LSM1: variants seen among roughly 807,000 people sequenced by gnomAD.
LSM1 encodes the protein U6 snRNA-associated Sm-like protein LSm1.
Under a neutral mutation model 18.0 loss-of-function variants are expected in LSM1, and 13 were observed. That is an observed-to-expected ratio of 0.72 (90% CI 0.47 to 1.15). The LOEUF (loss-of-function observed/expected upper bound fraction) is 1.15, where lower values mean the gene tolerates loss of function less well. Among genes scored for constraint, LSM1 ranks in the 50% most tolerant of loss-of-function variants. The pLI is 0.00. For missense variants in LSM1, 152 were observed against 157.7 expected (o/e 0.96, Z 0.19); for synonymous variants, 46 against 56.0 (o/e 0.82, Z 0.80).
chr8:38,164,530 A>G (rs889284377), intron 3 of LSM1, among the ~76,000 whole-genome samples: 5 of 148,616 alleles, frequency 3.4e-5, no homozygotes, highest in Non-Finnish European at 7.4e-5. Context: ...TTTTTTTTTA[A>G]TTATTTTAAG....
chr8:38,175,020 T>C (rs1399580762), intron 1 of LSM1, among the ~76,000 whole-genome samples: 10 of 118,840 alleles, frequency 8.4e-5, no homozygotes, highest in Non-Finnish European at 1.4e-4. Flanking sequence ...AGCAAGACTC[T>C]GTCTCAAAAA....
At chr8:38,172,127 C>A in intron 1 of LSM1, 94 bp from the exon 2 acceptor site, 1 of 841,780 alleles carries the variant, frequency 1.2e-6, no homozygotes. Context: ...ACCACTTCCT[C>A]GGCCAATGCA....
At chr8:38,172,283 G>A (rs1045799093) in intron 1 of LSM1, among the ~76,000 whole-genome samples, 1 of 151,518 alleles carries the variant, frequency 6.6e-6, no homozygotes, top group African/African-American at 2.4e-5. Flanking sequence ...CTGACTAGCT[G>A]GCTCTAGACC....
intron 1 of LSM1, among the ~76,000 whole-genome samples, chr8:38,175,137 A>G (rs1803105890): frequency 6.7e-6 from 1 of 148,202 alleles, no homozygotes; most frequent in Admixed American, 6.7e-5. Context: ...CTGGAGTGCA[A>G]TGGTGCGATC....
intron 3 of LSM1, 55 bp from the exon 4 acceptor site, chr8:38,163,895 A>G: frequency 6.6e-7 from 1 of 1,504,480 alleles, no homozygotes; most frequent in East Asian, 2.3e-5. Context: ...TAGAAAGCAC[A>G]GATCTCAAGG....
At chr8:38,169,516 T>C (rs1181995992) in intron 3 of LSM1, among the ~76,000 whole-genome samples, 1 of 152,234 alleles carries the variant, frequency 6.6e-6, no homozygotes, top group Non-Finnish European at 1.5e-5. Flanking sequence ...TAACCAATTG[T>C]TTAAATGACT....
At position 38,163,536 on chromosome 8, in the gene LSM1, G is replaced by A; in HGVS notation, c.*134C>T. ...TACACGATTTCTTCATGTTGCATAT[G>A]TAAAATAATTAAAAATAAAAGTGAC... On this transcript the variant is annotated 3_prime_UTR_variant, in exon 4 of 4. Coordinates refer to ENST00000311351, the MANE Select transcript of LSM1 (RefSeq NM_014462.3). 1 of 730,056 alleles carries A rather than the reference G, an allele frequency of 1.4e-6. No homozygotes were observed. The highest frequency in any genetic ancestry group is 4.0e-4 in the Middle Eastern group (1 of 2,484). 45.2% of individuals were successfully genotyped at this position (730,056 alleles called of 1,614,324 possible). A position where few individuals can be genotyped will look rare whatever the true frequency, so the allele number is the denominator to read the frequency against.
rs1169403147 is a variant in LSM1, at chr8:38,170,013, A to G, written c.116-96T>C. Reference sequence around the variant, plus strand: ...TCAGTTATTTTGAAAAGATTTAGGTAAACATGATTTCCAAGCTTTCTAATT... The same window carrying G: ...TCAGTTATTTTGAAAAGATTTAGGTGAACATGATTTCCAAGCTTTCTAATT... On this transcript the variant is annotated intron_variant, in intron 2 of 3. Transcript: ENST00000311351. 1.8e-5 allele frequency: 11 copies of G among 616,260 alleles called. No homozygotes were observed. The African/African-American group carries it at 2.1e-4, about 12-fold the overall frequency. 38.2% of individuals were successfully genotyped at this position (616,260 alleles called of 1,614,324 possible). A position where few individuals can be genotyped will look rare whatever the true frequency, so the allele number is the denominator to read the frequency against.
intron 1 of LSM1, among the ~76,000 whole-genome samples, chr8:38,175,304 G>A (rs1367424232): frequency 6.6e-6 from 1 of 151,984 alleles, no homozygotes; most frequent in Non-Finnish European, 1.5e-5. Flanking sequence ...CCGACCTCAG[G>A]CGATCTGCCC....
chr8:38,167,867 A>T (rs764028516), intron 3 of LSM1, among the ~76,000 whole-genome samples: 3 of 151,998 alleles, frequency 2.0e-5, no homozygotes, highest in Admixed American at 6.6e-5. Context: ...TGGGCAACAT[A>T]GTGAGACCCC....
At chr8:38,167,736 G>A (rs1802959271) in intron 3 of LSM1, among the ~76,000 whole-genome samples, 2 of 152,096 alleles carry the variant, frequency 1.3e-5, no homozygotes, top group Non-Finnish European at 2.9e-5. Flanking sequence ...CCACCATGCA[G>A]AGATGGGTCA....
In LSM1 at chr8:38,169,851, C is replaced by T. The variant is rs1287741458; in HGVS notation, c.182G>A (p.Arg61Gln). 16 of 1,613,810 alleles carry T rather than the reference C, an allele frequency of 9.9e-6. No individual in the cohort carries two copies. Among genetic ancestry groups the T allele is most frequent in the Non-Finnish European group, 1.2e-5 (14 of 1,179,898 alleles). ...HVGKKYGDIP[R>Q]GIFVVRGENV... ...TTCTCCTCTGACCACAAAAATCCCTCGAGGAATATCACCGTATTTTTTGCC... is the reference window on the plus strand; with the variant it reads ...TTCTCCTCTGACCACAAAAATCCCTTGAGGAATATCACCGTATTTTTTGCC... The change falls in exon 3 of 4, where the codon CGA becomes CAA. Residue 61 changes from arginine to glutamine, a missense_variant. Transcript: ENST00000311351.
At chr8:38,165,856 G>C (rs971565012) in intron 3 of LSM1, among the ~76,000 whole-genome samples, 5 of 152,204 alleles carry the variant, frequency 3.3e-5, no homozygotes, top group African/African-American at 9.6e-5. Context: ...AGTCAGCCTA[G>C]ATAACAAAGT....
chr8:38,169,768 G>T, intron 3 of LSM1, 34 bp downstream of exon 3: 1 of 1,211,782 alleles, frequency 8.3e-7, no homozygotes, highest in Non-Finnish European at 1.2e-6. Context: ...GCATGAATAT[G>T]AAGATCTACA....
chr8:38,173,385 A>G (rs1287274417), intron 1 of LSM1, among the ~76,000 whole-genome samples: 1 of 150,514 alleles, frequency 6.6e-6, no homozygotes, highest in African/African-American at 2.5e-5. Flanking sequence ...GCGGGGGGGG[A>G]GAAGGAAATC....
chr8:38,172,167 ACTG>A, intron 1 of LSM1, 134 bp from the exon 2 acceptor site: 3 of 658,224 alleles, frequency 4.6e-6, no homozygotes, highest in African/African-American at 3.8e-5. Flanking sequence ...TCATTGGAAA[ACTG>A]AAAAAAGCAG....
chr8:38,167,156 A>C (rs1008432507), intron 3 of LSM1, among the ~76,000 whole-genome samples: 1 of 152,170 alleles, frequency 6.6e-6, no homozygotes, highest in Non-Finnish European at 1.5e-5. Context: ...AAACCATAAC[A>C]TATTTTTTTA....
In LSM1 at chr8:38,172,029, C is replaced by T. The variant is rs748749451; in HGVS notation, c.51G>A (p.Lys17=). The change falls in exon 2 of 4, where the codon AAG becomes AAA. Residue 17 remains lysine, a synonymous_variant. Coordinates refer to ENST00000311351, the MANE Select transcript of LSM1 (RefSeq NM_014462.3). ...TTCCATCTCGAAGCAGAACCAAGTG[C>T]TTTTCTGGGGAGAGAGGAAAAAATC... ...TASLIEDIDK[K]HLVLLRDGRT... is the part of the protein sequence containing the mutation. 1 of 1,609,448 alleles carries T rather than the reference C, an allele frequency of 6.2e-7. No homozygotes were observed. The highest frequency in any genetic ancestry group is 1.7e-5 in the Admixed American group (1 of 58,584).
chr8:38,164,157 C>T (rs185090685), intron 3 of LSM1, among the ~76,000 whole-genome samples: 126 of 152,206 alleles, frequency 8.3e-4, no homozygotes, highest in African/African-American at 2.9e-3. Context: ...TGGGTTCAAG[C>T]GATTATCCTG....
Sources: gnomAD v4.1 joint callset for allele counts (sites outside exome capture counted in the v4.1 genomes callset) on GRCh38, gnomAD v4.1.1 for gene constraint, MANE v1.5 for transcripts, NCBI Gene and HGNC (gene_info 2026-07-23, HGNC 2026-07-21) for gene names.